The following TAX1BP1 variants were observed in gnomAD, a reference collection of about 807,000 sequenced individuals.
TAX1BP1 encodes the protein tax1-binding protein 1.
TAX1BP1 carries 62 observed loss-of-function variants against 97.7 expected under a neutral mutation model. The ratio of observed to expected loss-of-function variants is 0.63; its 90% confidence interval spans 0.52 to 0.78. The LOEUF (loss-of-function observed/expected upper bound fraction) is 0.78, where lower values mean the gene tolerates loss of function less well. Ranked by LOEUF, TAX1BP1 falls within the 30% of genes least tolerant of loss-of-function variation. The probability of loss-of-function intolerance (pLI) is 0.00; values close to 1 mark genes in which losing one functional copy is unlikely to be tolerated. For synonymous variants in TAX1BP1, 340 were observed against 304.2 expected (o/e 1.12, Z -1.23); for missense variants, 867 against 916.1 (o/e 0.95, Z 0.69).
chr7:27,810,135 C>T (rs1790499763), intron 13 of TAX1BP1, among the ~76,000 whole-genome samples: 1 of 151,686 alleles, frequency 6.6e-6, no homozygotes, highest in African/African-American at 2.4e-5. Context: ...TCTTGATCTC[C>T]TGACCTCATG....
chr7:27,790,868 T>A (rs1252489468), intron 8 of TAX1BP1, among the ~76,000 whole-genome samples: 3 of 152,152 alleles, frequency 2.0e-5, no homozygotes, highest in African/African-American at 7.2e-5. Flanking sequence ...GTTTTTTTGA[T>A]CTTTGTTAGT....
At chr7:27,810,697 G>T (rs1042765956) in intron 13 of TAX1BP1, among the ~76,000 whole-genome samples, 2 of 152,036 alleles carry the variant, frequency 1.3e-5, no homozygotes, top group Non-Finnish European at 2.9e-5. Flanking sequence ...TTGCTATGTT[G>T]CTCTCTAACT....
chr7:27,817,420 G>T (rs1326091384), intron 15 of TAX1BP1, among the ~76,000 whole-genome samples: 1 of 152,150 alleles, frequency 6.6e-6, no homozygotes, highest in Non-Finnish European at 1.5e-5. Flanking sequence ...GCAGTGTTAT[G>T]CTTCAGTGTA....
rs779433335 is a variant in TAX1BP1 at position 27,748,606 on chromosome 7, C to G, written c.82C>G (p.Pro28Ala). The G allele has an allele frequency of 1.7e-5, 27 of 1,606,106 alleles. No homozygotes were observed. Among genetic ancestry groups the G allele is most frequent in the Non-Finnish European group, 2.0e-5 (24 of 1,175,642 alleles). Residue 28 changes from proline to alanine, a missense_variant, in exon 2 of 17, where the codon CCT (proline) becomes GCT (alanine). Transcript: ENST00000396319. ...IFQNVAKSYL[P>A]NAHLECHYTL... is the part of the protein sequence containing the mutation. Reference sequence around the variant, plus strand: ...TCAAAATGTGGCCAAGAGTTACCTTCCTAATGCACACCTGGAATGTCATTA... The same window carrying G: ...TCAAAATGTGGCCAAGAGTTACCTTGCTAATGCACACCTGGAATGTCATTA...
rs369476152 is a variant in TAX1BP1, at chr7:27,793,122, C to G, written c.1320C>G (p.Leu440=). The G allele has an allele frequency of 8.2e-5, 132 of 1,605,096 alleles. 1 individual carries two copies. The highest frequency in any genetic ancestry group is 1.7e-4 in the Middle Eastern group (1 of 6,060). Residue 440 remains leucine (L), a synonymous_variant, in exon 10 of 17, where the codon CTC becomes CTG. Transcript: ENST00000396319. Reference sequence around the variant, plus strand: ...GAAGAGAAGTTGAAGATCTGAAACTCCGTCTTCAGATGGCTGCAGACCATT... The same window carrying G: ...GAAGAGAAGTTGAAGATCTGAAACTGCGTCTTCAGATGGCTGCAGACCATT... ...ELRREVEDLK[L]RLQMAADHYK...
intron 8 of TAX1BP1, among the ~76,000 whole-genome samples, 168 bp from the exon 9 acceptor site, chr7:27,791,838 A>G (rs1789720905): frequency 6.6e-6 from 1 of 152,230 alleles, no homozygotes; most frequent in South Asian, 2.1e-4. Flanking sequence ...AGGGAACCTA[A>G]AACAAAGTTA....
At chr7:27,786,963 A>G (rs1789509462) in intron 7 of TAX1BP1, among the ~76,000 whole-genome samples, 1 of 152,240 alleles carries the variant, frequency 6.6e-6, no homozygotes, top group Admixed American at 6.5e-5. Context: ...CAGCACATTG[A>G]AACTAAATGA....
At position 27,819,150 on chromosome 7, in the gene TAX1BP1, A is replaced by G. The variant is rs145954349; in HGVS notation, c.2085+2112A>G. ...TGAAAGAATGATGTTATTTCTTTCA[A>G]CCTGCTGTAAGTCCTTTCACTTAAA... is the stretch of plus-strand genomic sequence containing the variant. On this transcript the variant is annotated intron_variant, in intron 15 of 16. Transcript: ENST00000396319. 1.3e-3 allele frequency among the ~76,000 whole-genome samples: 191 copies of G among 152,248 alleles called. 2 individuals are homozygous for G. Among genetic ancestry groups the G allele is most frequent in the African/African-American group, 4.3e-3 (180 of 41,544 alleles).
chr7:27,773,550 A>G (rs1788923360), intron 5 of TAX1BP1, among the ~76,000 whole-genome samples: 1 of 152,028 alleles, frequency 6.6e-6, no homozygotes, highest in South Asian at 2.1e-4. Flanking sequence ...GAATCATATA[A>G]TATGTGGCCT....
rs754972691 is a variant in TAX1BP1 at position 27,828,878 on chromosome 7, A to AC, written c.*49_*50insC. 2.0e-6 allele frequency: 3 copies of AC among 1,485,342 alleles called. No homozygotes were observed. The highest frequency in any genetic ancestry group is 4.3e-5 in the Admixed American group (2 of 47,020). The allele number at this position is 1,485,342 out of a possible 1,614,324, so 92.0% of individuals were successfully genotyped here. On this transcript the variant is annotated 3_prime_UTR_variant, in exon 17 of 17. Coordinates refer to ENST00000396319, the MANE Select transcript of TAX1BP1 (RefSeq NM_006024.7). The stretch of plus-strand genomic sequence containing the variant: ...TAGTTTAGCAGTAAAAAAAAAAAAA[A>AC]AAACCACACCTAAAATAGACCACTG...
At chr7:27,827,269 C>G (rs181662618) in intron 15 of TAX1BP1, among the ~76,000 whole-genome samples, 2 of 152,004 alleles carry the variant, frequency 1.3e-5, no homozygotes, top group East Asian at 3.9e-4. Flanking sequence ...ATAAGAATTG[C>G]TTGAACCCAG....
chr7:27,791,588 A>G (rs1789708921), intron 8 of TAX1BP1, among the ~76,000 whole-genome samples: 1 of 152,172 alleles, frequency 6.6e-6, no homozygotes, highest in Admixed American at 6.6e-5. Context: ...AAAGTAGGAA[A>G]CATCTTTTAA....
In TAX1BP1 at chr7:27,829,519, C is replaced by G. The variant is rs1251885880; in HGVS notation, c.*690C>G. ...AATGGGAAAATGGAACAAGAGATGT[C>G]AGTATAATTGTTTTCCTATTAAATG... On this transcript the variant is annotated 3_prime_UTR_variant, in exon 17 of 17. Coordinates refer to ENST00000396319, the MANE Select transcript of TAX1BP1 (RefSeq NM_006024.7). 1 of 152,104 alleles carries G rather than the reference C, an allele frequency of 6.6e-6. No individual in the cohort carries two copies. Among genetic ancestry groups the G allele is most frequent in the African/African-American group, 2.4e-5 (1 of 41,420 alleles). 9.4% of individuals were successfully genotyped at this position (152,104 alleles called of 1,614,324 possible).
At chr7:27,789,671 T>C (rs1462465976) in intron 8 of TAX1BP1, among the ~76,000 whole-genome samples, 2 of 151,740 alleles carry the variant, frequency 1.3e-5, no homozygotes, top group Non-Finnish European at 3.0e-5. Flanking sequence ...CCACATAATA[T>C]TCCATTATAT....
intron 13 of TAX1BP1, among the ~76,000 whole-genome samples, chr7:27,805,782 G>A (rs1790313616): frequency 6.6e-6 from 1 of 152,152 alleles, no homozygotes; most frequent in South Asian, 2.1e-4. Context: ...GCTGCAGTGA[G>A]CCGAGATTGT....
intron 14 of TAX1BP1, 51 bp from the exon 15 acceptor site, chr7:27,816,839 G>A: frequency 1.9e-6 from 3 of 1,594,660 alleles, no homozygotes; most frequent in Non-Finnish European, 1.7e-6. Context: ...ATATACAGAT[G>A]TTAGTTGTAG....
At chr7:27,814,359 C>G (rs940554882) in intron 13 of TAX1BP1, among the ~76,000 whole-genome samples, 2 of 152,014 alleles carry the variant, frequency 1.3e-5, no homozygotes, top group African/African-American at 4.8e-5. Context: ...ATTACAGGAC[C>G]TTTGTGTTTC....
chr7:27,820,903 A>AT (rs1419542527), intron 15 of TAX1BP1, among the ~76,000 whole-genome samples: 1 of 152,168 alleles, frequency 6.6e-6, no homozygotes, highest in Non-Finnish European at 1.5e-5. Flanking sequence ...CAGATTTCAG[A>AT]TTTTTTCAGA....
intron 13 of TAX1BP1, among the ~76,000 whole-genome samples, chr7:27,813,027 A>G (rs1047657384): frequency 6.6e-6 from 1 of 152,166 alleles, no homozygotes; most frequent in African/African-American, 2.4e-5. Flanking sequence ...GACCCTTTGC[A>G]GAAAAAGATT....
Sources: allele counts gnomAD v4.1 joint callset (sites outside exome capture counted in the v4.1 genomes callset), GRCh38; gene constraint gnomAD v4.1.1; transcripts MANE v1.5; gene names NCBI Gene and HGNC (gene_info 2026-07-23, HGNC 2026-07-21).